ATF7IP2: variants seen among roughly 807,000 people sequenced by gnomAD.
ATF7IP2 encodes the protein activating transcription factor 7 interacting protein 2.
A neutral mutation model predicts 64.2 loss-of-function variants in ATF7IP2; 42 were observed. That is an observed-to-expected ratio of 0.65 (90% CI 0.51 to 0.85). The LOEUF (loss-of-function observed/expected upper bound fraction) is 0.85. Among genes scored for constraint, ATF7IP2 ranks in the 40% least tolerant of loss-of-function variants. ATF7IP2 has a pLI of 0.00. For missense variants in ATF7IP2, 933 were observed against 784.2 expected, an observed-to-expected ratio of 1.19 and a Z score of -2.27; for synonymous variants, 308 against 272.8, an observed-to-expected ratio of 1.13 and a Z score of -1.27.
At chr16:10,423,569 G>T (rs1001217023) in intron 3 of ATF7IP2, among the ~76,000 whole-genome samples, 10 of 152,134 alleles carry the variant, frequency 6.6e-5, no homozygotes, top group Non-Finnish European at 1.2e-4. Flanking sequence ...AACAGTTACT[G>T]GGGCATCTAC....
chr16:10,430,505 C>G (rs1181035652), intron 4 of ATF7IP2, 106 bp from the exon 5 acceptor site: 1 of 641,858 alleles, frequency 1.6e-6, no homozygotes, highest in African/African-American at 1.8e-5. Context: ...TATGGAGAGA[C>G]AGTGTCAATG....
chr16:10,458,938 C>A (rs534525195), intron 9 of ATF7IP2, among the ~76,000 whole-genome samples: 19 of 152,286 alleles, frequency 1.2e-4, no homozygotes, highest in Non-Finnish European at 1.5e-4. Context: ...GTAATCCCAG[C>A]AGTTTGGGAG....
At chr16:10,393,988 G>C (rs1219163614) in intron 1 of ATF7IP2, among the ~76,000 whole-genome samples, 1 of 152,162 alleles carries the variant, frequency 6.6e-6, no homozygotes. Context: ...GCTGCAGTGA[G>C]CTCTGATCTC....
intron 12 of ATF7IP2, among the ~76,000 whole-genome samples, chr16:10,478,728 T>G (rs947623969): frequency 3.9e-5 from 6 of 151,984 alleles, no homozygotes; most frequent in Non-Finnish European, 8.8e-5. Flanking sequence ...ACCTACAAAA[T>G]GGGAGAAAAT....
chr16:10,435,441 C>T (rs971405147), intron 6 of ATF7IP2, among the ~76,000 whole-genome samples: 2 of 152,232 alleles, frequency 1.3e-5, no homozygotes, highest in Admixed American at 6.5e-5. Flanking sequence ...CTGCCATCTC[C>T]ACTTTGAAGC....
chr16:10,399,151 T>C (rs2047478441), intron 1 of ATF7IP2, among the ~76,000 whole-genome samples: 1 of 152,118 alleles, frequency 6.6e-6, no homozygotes, highest in Non-Finnish European at 1.5e-5. Context: ...TTGTGCAAAA[T>C]CTGACTAGTC....
At chr16:10,459,943 T>G (rs904045097) in intron 9 of ATF7IP2, among the ~76,000 whole-genome samples, 1 of 151,914 alleles carries the variant, frequency 6.6e-6, no homozygotes, top group Admixed American at 6.6e-5. Flanking sequence ...TGCCAAAAAA[T>G]CGGGGGAAAA....
chr16:10,459,254 G>A (rs1253217027), intron 9 of ATF7IP2, among the ~76,000 whole-genome samples: 1 of 152,098 alleles, frequency 6.6e-6, no homozygotes, highest in African/African-American at 2.4e-5. Flanking sequence ...GGATCACGAG[G>A]TCAGGAGATG....
intron 4 of ATF7IP2, among the ~76,000 whole-genome samples, chr16:10,429,752 T>A (rs1356041271): frequency 1.4e-5 from 2 of 143,370 alleles, no homozygotes; most frequent in Non-Finnish European, 3.0e-5. Flanking sequence ...TTATTTATTT[T>A]ATTTTATTAT....
chr16:10,440,504 C>G, intron 8 of ATF7IP2, 42 bp downstream of exon 8: 1 of 1,102,964 alleles, frequency 9.1e-7, no homozygotes, highest in Non-Finnish European at 1.3e-6. Flanking sequence ...CTATTTGACT[C>G]ATATAAGTGG....
At chr16:10,425,940 G>A (rs570444717) in intron 3 of ATF7IP2, among the ~76,000 whole-genome samples, 45 of 151,962 alleles carry the variant, frequency 3.0e-4, no homozygotes, top group African/African-American at 1.0e-3. Flanking sequence ...ATTATATTCA[G>A]TGGGATTTAC....
intron 1 of ATF7IP2, among the ~76,000 whole-genome samples, chr16:10,400,776 G>T (rs1017742791): frequency 2.3e-4 from 35 of 152,158 alleles, no homozygotes; most frequent in Non-Finnish European, 1.8e-4. Flanking sequence ...CCATCTCTTG[G>T]GTTCAAGTGA....
At chr16:10,478,170 A>C (rs2050081003) in intron 12 of ATF7IP2, among the ~76,000 whole-genome samples, 2 of 150,100 alleles carry the variant, frequency 1.3e-5, no homozygotes, top group South Asian at 4.3e-4. Flanking sequence ...GTTCATATGG[A>C]ACCAAAAAAG....
At chr16:10,453,511 C>T (rs1278605687) in intron 8 of ATF7IP2, among the ~76,000 whole-genome samples, 3 of 152,152 alleles carry the variant, frequency 2.0e-5, no homozygotes, top group East Asian at 3.8e-4. Flanking sequence ...AGCTGCAGAC[C>T]GGAGCTGTTC....
At chr16:10,474,055 G>A in intron 12 of ATF7IP2, 66 bp downstream of exon 12, 2 of 1,059,046 alleles carry the variant, frequency 1.9e-6, no homozygotes, top group Non-Finnish European at 2.9e-6. Context: ...ATAATGCACT[G>A]GGTCTACTTA....
At chr16:10,457,752 G>A in intron 9 of ATF7IP2, 1 of 353,848 alleles carries the variant, frequency 2.8e-6, no homozygotes, top group Non-Finnish European at 5.0e-6. Context: ...TGTTGTCCAG[G>A]CTGGAGTATA....
At chr16:10,425,875 A>C (rs1189340390) in intron 3 of ATF7IP2, among the ~76,000 whole-genome samples, 3 of 152,088 alleles carry the variant, frequency 2.0e-5, no homozygotes, top group African/African-American at 7.2e-5. Flanking sequence ...CCTGGGCAAC[A>C]AGAGTGAAAC....
At chr16:10,471,985 C>T (rs2049817085) in intron 9 of ATF7IP2, 125 bp from the exon 10 acceptor site, 3 of 452,720 alleles carry the variant, frequency 6.6e-6, no homozygotes, top group South Asian at 9.9e-5. Flanking sequence ...TTCTATTTCC[C>T]CCCACGATTG....
intron 1 of ATF7IP2, among the ~76,000 whole-genome samples, chr16:10,413,065 T>A (rs2047802751): frequency 6.6e-6 from 1 of 152,156 alleles, no homozygotes; most frequent in Non-Finnish European, 1.5e-5. Context: ...ATGTGTTAGG[T>A]GAGTCTCTTC....
Sources: gnomAD v4.1 joint callset for allele counts (sites outside exome capture counted in the v4.1 genomes callset) on GRCh38, gnomAD v4.1.1 for gene constraint, MANE v1.5 for transcripts, NCBI Gene and HGNC (gene_info 2026-07-23, HGNC 2026-07-21) for gene names.